The following AUTS2 variants were observed in gnomAD, a reference collection of about 807,000 sequenced individuals.
The protein encoded by AUTS2 is autism susceptibility gene 2 protein.
Under a neutral mutation model 112.4 loss-of-function variants are expected in AUTS2, and 17 were observed. The observed-to-expected ratio is 0.15, with a 90% CI of 0.10 to 0.23. The LOEUF is 0.23. AUTS2 is among the 10% of genes least tolerant of loss of function. The pLI, the probability that AUTS2 is intolerant of heterozygous loss-of-function variation, is 1.00. For synonymous variants in AUTS2, 751 were observed against 702.7 expected (o/e 1.07, Z -1.09); for missense variants, 1,510 against 1,701.6 (o/e 0.89, Z 1.98).
At chr7:69,784,227 G>A (rs1200597468) in intron 1 of AUTS2, among the ~76,000 whole-genome samples, 1 of 152,174 alleles carries the variant, frequency 6.6e-6, no homozygotes, top group Non-Finnish European at 1.5e-5. Flanking sequence ...AGAGATCTAG[G>A]CAGATGGATG....
chr7:69,956,515 C>T lies in AUTS2; in HGVS notation c.522+57017C>T, dbSNP rs1329062707. On this transcript the variant is annotated intron_variant, in intron 2 of 18. Transcript: ENST00000342771. ...CAGTGCTATAGAGTGGAAATCTTTACGGTGAGTTATGTGCTCTCTCCCCTC... is the reference window on the plus strand; with the variant it reads ...CAGTGCTATAGAGTGGAAATCTTTATGGTGAGTTATGTGCTCTCTCCCCTC... Among the ~76,000 whole-genome samples the T allele has an allele frequency of 3.9e-5, 6 of 152,104 alleles. No homozygotes were observed. The South Asian group carries it at 8.3e-4, about 21-fold the overall frequency.
At chr7:70,479,933 C>G (rs1166638339) in intron 5 of AUTS2, among the ~76,000 whole-genome samples, 2 of 152,204 alleles carry the variant, frequency 1.3e-5, no homozygotes, top group Non-Finnish European at 2.9e-5. Flanking sequence ...ATAATAATAG[C>G]TTACATTTTT....
At chr7:70,301,251 T>TG (rs957471351) in intron 4 of AUTS2, among the ~76,000 whole-genome samples, 3 of 152,214 alleles carry the variant, frequency 2.0e-5, no homozygotes, top group Non-Finnish European at 4.4e-5. Context: ...AATTTTCCAA[T>TG]GAAAGTTCAC....
Position 69,893,615 on chromosome 7 carries a change from A to G in AUTS2, c.310-5671A>G, listed in dbSNP as rs544556916. Among the ~76,000 whole-genome samples the G allele has an allele frequency of 2.6e-5, 4 of 152,330 alleles. No individual in the cohort carries two copies. In the East Asian group the frequency reaches 7.7e-4, roughly 29 times the overall value. Reference sequence around the variant, plus strand: ...TTTAAATTGCAAGCCCCTCACATACATATACATGCATTTGGGTGCATGCAG... The same window carrying G: ...TTTAAATTGCAAGCCCCTCACATACGTATACATGCATTTGGGTGCATGCAG... On this transcript the variant is annotated intron_variant, in intron 1 of 18. Transcript: ENST00000342771.
rs1208903630 is a variant in AUTS2 at position 70,069,952 on chromosome 7, A to T, written c.523-48180A>T. On this transcript the variant is annotated intron_variant, in intron 2 of 18. Transcript: ENST00000342771. ...AAAATGCAGAATAAAAAATAATTTA[A>T]ATATAATTAGAAGTGAGAGCAGGTC... Among the ~76,000 whole-genome samples the T allele has an allele frequency of 3.9e-5, 6 of 152,070 alleles. No individual in the cohort carries two copies. The East Asian group carries it at 1.2e-3, about 29-fold the overall frequency.
intron 5 of AUTS2, among the ~76,000 whole-genome samples, chr7:70,495,714 C>CCACA: frequency 7.9e-6 from 1 of 126,724 alleles, no homozygotes; most frequent in African/African-American, 3.1e-5. Flanking sequence ...CACACACACC[C>CCACA]CACACATGCA....
At chr7:70,339,099 G>A (rs913992838) in intron 4 of AUTS2, among the ~76,000 whole-genome samples, 6 of 151,898 alleles carry the variant, frequency 4.0e-5, no homozygotes, top group South Asian at 2.1e-4. Context: ...TCCTGACCTC[G>A]TGATCCGCCC....
At chr7:70,727,973 G>T (rs575798859) in intron 6 of AUTS2, among the ~76,000 whole-genome samples, 7 of 152,286 alleles carry the variant, frequency 4.6e-5, no homozygotes, top group African/African-American at 1.7e-4. Flanking sequence ...CTGGGAATAG[G>T]GAGGGCACCT....
intron 5 of AUTS2, among the ~76,000 whole-genome samples, chr7:70,552,957 A>G (rs1801076911): frequency 6.6e-6 from 1 of 152,240 alleles, no homozygotes; most frequent in African/African-American, 2.4e-5. Context: ...AGCATAGTGT[A>G]TTAGAAAGAA....
chr7:70,189,514 T>C (rs897886226), intron 4 of AUTS2, among the ~76,000 whole-genome samples: 2 of 152,148 alleles, frequency 1.3e-5, no homozygotes, highest in African/African-American at 4.8e-5. Flanking sequence ...GAATATGGTG[T>C]GTTACGTAAA....
intron 4 of AUTS2, among the ~76,000 whole-genome samples, chr7:70,165,364 G>A (rs1348170478): frequency 6.6e-6 from 1 of 152,086 alleles, no homozygotes; most frequent in Non-Finnish European, 1.5e-5. Flanking sequence ...GTACACTGAA[G>A]TCAGACTGCT....
chr7:70,421,322 A>T (rs1215309549), intron 4 of AUTS2, among the ~76,000 whole-genome samples: 1 of 149,248 alleles, frequency 6.7e-6, no homozygotes, highest in Admixed American at 6.7e-5. Flanking sequence ...CAGAAAAGAG[A>T]TTCTACAGTG....
intron 5 of AUTS2, among the ~76,000 whole-genome samples, chr7:70,499,700 T>TG (rs1798697381): frequency 6.6e-6 from 1 of 152,174 alleles, no homozygotes. Context: ...CTCTCACCAG[T>TG]GGAGAGTCTT....
At chr7:69,623,119 T>G (rs1423594111) in intron 1 of AUTS2, among the ~76,000 whole-genome samples, 1 of 152,232 alleles carries the variant, frequency 6.6e-6, no homozygotes, top group African/African-American at 2.4e-5. Context: ...ATATCTATAC[T>G]CCATGGTAAC....
At chr7:70,771,282 T>A (rs1322446880) in intron 10 of AUTS2, 7 of 266,148 alleles carry the variant, frequency 2.6e-5, no homozygotes, top group Non-Finnish European at 3.5e-5. Context: ...GATTTAACAA[T>A]TAATAATTAG....
At chr7:69,742,329 G>C (rs985727493) in intron 1 of AUTS2, among the ~76,000 whole-genome samples, 1 of 151,994 alleles carries the variant, frequency 6.6e-6, no homozygotes, top group Non-Finnish European at 1.5e-5. Context: ...TCAAAAGGTA[G>C]TTAGCTGGAT....
rs763131370 is a variant in AUTS2, at chr7:69,614,314, CTCTTTCTT to C, written c.309+14398_309+14405del. Among the ~76,000 whole-genome samples the C allele has an allele frequency of 7.7e-3, 642 of 83,410 alleles. 16 individuals carry two copies. The highest frequency in any genetic ancestry group is 0.012 in the African/African-American group (250 of 21,478). The allele number at this position is 83,410 out of a possible 152,430, so 54.7% of individuals were successfully genotyped here. A position where few individuals can be genotyped will look rare whatever the true frequency, so the allele number is the denominator to read the frequency against. On this transcript the variant is annotated intron_variant, in intron 1 of 18. Coordinates refer to ENST00000342771, the MANE Select transcript of AUTS2 (RefSeq NM_015570.4). ...ACTTCTCTCAAGAGTCACTCTCCGT[CTCTTTCTT>C]TCTTTCTTTCTTTCTTTCTTTCTTT...
At chr7:70,242,214 C>A (rs151100737) in intron 4 of AUTS2, among the ~76,000 whole-genome samples, 3 of 152,170 alleles carry the variant, frequency 2.0e-5, no homozygotes, top group African/African-American at 7.2e-5. Flanking sequence ...ACTTGTAAAC[C>A]TCCATACTGT....
intron 5 of AUTS2, among the ~76,000 whole-genome samples, chr7:70,679,205 T>C (rs562791180): frequency 6.6e-6 from 1 of 151,704 alleles, no homozygotes; most frequent in Non-Finnish European, 1.5e-5. Flanking sequence ...AATACACACT[T>C]AGGCAAAACT....
Sources: gnomAD v4.1 joint callset for allele counts (sites outside exome capture counted in the v4.1 genomes callset) on GRCh38, gnomAD v4.1.1 for gene constraint, MANE v1.5 for transcripts, NCBI Gene and HGNC (gene_info 2026-07-23, HGNC 2026-07-21) for gene names.